Variants in COQ7 observed in about 807,000 individuals in gnomAD.
COQ7 encodes NADPH-dependent 3-demethoxyubiquinone 3-hydroxylase, mitochondrial.
A neutral mutation model predicts 25.0 loss-of-function variants in COQ7; 21 were observed. The observed-to-expected ratio is 0.84, with a 90% CI of 0.60 to 1.21. The LOEUF (loss-of-function observed/expected upper bound fraction) is 1.21, where lower values mean the gene tolerates loss of function less well. Among genes scored for constraint, COQ7 ranks in the 50% most tolerant of loss-of-function variants. COQ7 has a pLI of 0.00. For synonymous variants in COQ7, 125 were observed against 112.4 expected, an observed-to-expected ratio of 1.11 and a Z score of -0.71; for missense variants, 311 against 296.2, an observed-to-expected ratio of 1.05 and a Z score of -0.37.
At chr16:19,071,906 A>G (rs755591610) in intron 1 of COQ7, 22 bp from the exon 2 acceptor site, 3 of 1,613,458 alleles carry the variant, frequency 1.9e-6, no homozygotes, top group Non-Finnish European at 2.5e-6. Flanking sequence ...ATCATAACGA[A>G]GAATAAACAC....
At position 19,067,689 on chromosome 16, in the gene COQ7, G is replaced by C. The variant is rs764137867; in HGVS notation, c.25G>C (p.Ala9Pro). The C allele has an allele frequency of 5.6e-6, 9 of 1,609,662 alleles. 1 individual carries two copies. The Admixed American group carries it at 1.0e-4, about 18-fold the overall frequency. Reference protein sequence around the residue: MSCAGAAAAPRLWRLRPGA... With the variant: MSCAGAAAPPRLWRLRPGA... The stretch of plus-strand genomic sequence containing the variant: ...AATGAGTTGCGCCGGGGCGGCGGCG[G>C]CTCCCCGCCTTTGGCGGCTGCGCCC... The change falls in exon 1 of 6, where the codon GCT becomes CCT. Residue 9 changes from alanine to proline, a missense_variant. Physicochemically the swap from Ala to Pro is conservative, Grantham distance 27. Coordinates refer to ENST00000321998, the MANE Select transcript of COQ7 (RefSeq NM_016138.5).
downstream of COQ7, among the ~76,000 whole-genome samples, chr16:19,082,409 T>C (rs530411649): frequency 6.6e-6 from 1 of 152,002 alleles, no homozygotes; most frequent in South Asian, 2.1e-4. Context: ...GGTGGAAGGA[T>C]CGCTTGAGTC....
chr16:19,075,363 G>A (rs1270916181), intron 3 of COQ7, among the ~76,000 whole-genome samples: 1 of 151,894 alleles, frequency 6.6e-6, no homozygotes, highest in Admixed American at 6.6e-5. Flanking sequence ...CCACCACACT[G>A]ACTAATTTTT....
chr16:19,067,707 C>T lies in COQ7; in HGVS notation c.43C>T (p.Leu15=), dbSNP rs950212699. ...GAAAAPRLWR[L]RPGARRSLSA... ...GGCGGCGGCTCCCCGCCTTTGGCGG[C>T]TGCGCCCGGGGGCCCGGCGGTCCCT... is the stretch of plus-strand genomic sequence containing the variant. The change falls in exon 1 of 6, where the codon CTG becomes TTG. Residue 15 remains leucine (L), a synonymous_variant. Transcript: ENST00000321998. 1 of 1,608,082 alleles carries T rather than the reference C, an allele frequency of 6.2e-7. No individual in the cohort carries two copies. The highest frequency in any genetic ancestry group is 8.5e-7 in the Non-Finnish European group (1 of 1,178,174).
At chr16:19,077,589 G>GTTTTTTTTTTTTTTTTTTTTTTT (rs1413837387) in intron 5 of COQ7, among the ~76,000 whole-genome samples, 4 of 18,608 alleles carry the variant, frequency 2.1e-4, no homozygotes, top group African/African-American at 4.1e-4. Context: ...TTCCCCAGAA[G>GTTTTTTTTTTTTTTTTTTTTTTT]CTTTTTTTTT....
At chr16:19,073,273 C>T (rs907911994) in intron 2 of COQ7, among the ~76,000 whole-genome samples, 3 of 151,852 alleles carry the variant, frequency 2.0e-5, no homozygotes, top group Non-Finnish European at 4.4e-5. Context: ...CGCACCACTG[C>T]ACTCCAGCCT....
At chr16:19,067,876 C>A (rs2142349178) in intron 1 of COQ7, 139 bp downstream of exon 1, 2 of 1,493,616 alleles carry the variant, frequency 1.3e-6, no homozygotes, top group South Asian at 1.3e-5. Context: ...TGCGTGACTT[C>A]GGCCTCCGGG....
rs544307769 is a variant in COQ7, at chr16:19,078,387, C to T, written c.*229C>T. The T allele has an allele frequency of 8.8e-5, 31 of 350,614 alleles. No homozygotes were observed. The South Asian group carries it at 1.3e-3, about 15-fold the overall frequency. 21.7% of individuals were successfully genotyped at this position (350,614 alleles called of 1,614,324 possible). On this transcript the variant is annotated 3_prime_UTR_variant, in exon 6 of 6. Coordinates refer to ENST00000321998, the MANE Select transcript of COQ7 (RefSeq NM_016138.5). ...CCAGCCTTGTTCAAGTTACAGCAAA[C>T]GAAGCTGGGCCTTGTTTGGTCTCAT...
At position 19,075,865 on chromosome 16, in the gene COQ7, T is replaced by A; in HGVS notation, c.507+5T>A. 4.3e-6 allele frequency: 7 copies of A among 1,614,170 alleles called. No individual in the cohort carries two copies. Among genetic ancestry groups the A allele is most frequent in the Non-Finnish European group, 5.9e-6 (7 of 1,180,010 alleles). The stretch of plus-strand genomic sequence containing the variant: ...AAATACGAGGAACTTCTTCAGGTAT[T>A]TATCCGTGCTCTAGAACGGGGCTGC... On this transcript the variant is annotated splice_donor_5th_base_variant and intron_variant, in intron 4 of 5. Coordinates refer to ENST00000321998, the MANE Select transcript of COQ7 (RefSeq NM_016138.5).
chr16:19,071,405 G>A (rs1962549333), intron 1 of COQ7, among the ~76,000 whole-genome samples: 1 of 152,234 alleles, frequency 6.6e-6, no homozygotes, highest in African/African-American at 2.4e-5. Context: ...CAAAGTGTTA[G>A]GATTACAGGC....
intron 1 of COQ7, among the ~76,000 whole-genome samples, chr16:19,069,600 G>A (rs1478279404): frequency 2.0e-5 from 3 of 151,782 alleles, no homozygotes; most frequent in Admixed American, 6.6e-5. Context: ...TGGTAGAGAC[G>A]GGGTTTCGCC....
chr16:19,081,235 T>G (rs1307790823), downstream of COQ7, among the ~76,000 whole-genome samples: 6 of 152,214 alleles, frequency 3.9e-5, no homozygotes, highest in Non-Finnish European at 7.3e-5. Context: ...TCAGAAACTA[T>G]TTGTGAGTAT....
intron 1 of COQ7, 119 bp from the exon 2 acceptor site, chr16:19,071,809 C>T (rs1378313334): frequency 3.6e-5 from 38 of 1,070,068 alleles, no homozygotes; most frequent in East Asian, 9.5e-5. Flanking sequence ...TTTATGGGCA[C>T]GCCTGGCCCA....
At chr16:19,081,501 A>G (rs983222170), downstream of COQ7, among the ~76,000 whole-genome samples, 3 of 152,188 alleles carry the variant, frequency 2.0e-5, no homozygotes, top group South Asian at 2.1e-4. Flanking sequence ...AGGAGCCCCA[A>G]GTTATCTTGG....
rs1488603194 is a variant in COQ7, at chr16:19,067,660, C to A, written c.-5C>A. On this transcript the variant is annotated 5_prime_UTR_variant, in exon 1 of 6. Coordinates refer to ENST00000321998, the MANE Select transcript of COQ7 (RefSeq NM_016138.5). ...ACGAAGTGGTTGCTTTTTTTAGTTC[C>A]GGCAATGAGTTGCGCCGGGGCGGCG... The A allele has an allele frequency of 3.1e-6, 5 of 1,613,336 alleles. No homozygotes were observed. Among genetic ancestry groups the A allele is most frequent in the Non-Finnish European group, 4.2e-6 (5 of 1,179,652 alleles).
chr16:19,076,964 A>C (rs1033502448), intron 4 of COQ7, among the ~76,000 whole-genome samples: 3 of 152,216 alleles, frequency 2.0e-5, no homozygotes, highest in Non-Finnish European at 4.4e-5. Flanking sequence ...AAATGAATAG[A>C]TATCCTGAGA....
chr16:19,068,810 A>C, intron 1 of COQ7: 1 of 444,142 alleles, frequency 2.3e-6, no homozygotes, highest in Non-Finnish European at 4.5e-6. Context: ...CCATTTAAAA[A>C]TTAAATTAAT....
At chr16:19,067,905 G>A in intron 1 of COQ7, 168 bp downstream of exon 1, 1 of 1,490,196 alleles carries the variant, frequency 6.7e-7, no homozygotes, top group Admixed American at 2.4e-5. Flanking sequence ...GGGCGGGGCG[G>A]GGTCTGTAGT....
rs1962974486 is a variant in COQ7, at chr16:19,078,406, G to A, written c.*248G>A. ...AGCAAACGAAGCTGGGCCTTGTTTG[G>A]TCTCATACTTAATTTTCTTTTATAT... On this transcript the variant is annotated 3_prime_UTR_variant, in exon 6 of 6. Transcript: ENST00000321998. 6.6e-6 allele frequency: 2 copies of A among 303,996 alleles called. No homozygotes were observed. Among genetic ancestry groups the A allele is most frequent in the Admixed American group, 5.0e-5 (1 of 19,968 alleles). The allele number at this position is 303,996 out of a possible 1,614,324, so 18.8% of individuals were successfully genotyped here.
Sources: allele counts gnomAD v4.1 joint callset (sites outside exome capture counted in the v4.1 genomes callset), GRCh38; gene constraint gnomAD v4.1.1; transcripts MANE v1.5; gene names NCBI Gene and HGNC (gene_info 2026-07-23, HGNC 2026-07-21).